The following NMBR variants were observed in gnomAD, a reference collection of about 807,000 sequenced individuals.
The protein encoded by NMBR is neuromedin B receptor, also known as neuromedin-B receptor.
Under a neutral mutation model 20.5 loss-of-function variants are expected in NMBR, and 16 were observed. The observed-to-expected ratio is 0.78, with a 90% confidence interval of 0.53 to 1.19. The LOEUF is 1.19. Ranked by LOEUF, NMBR falls within the 50% of genes most tolerant of loss-of-function variation. The pLI is 0.00. For missense variants in NMBR, 582 were observed against 499.1 expected, an observed-to-expected ratio of 1.17 and a Z score of -1.58; for synonymous variants, 212 against 196.6, an observed-to-expected ratio of 1.08 and a Z score of -0.65.
Position 142,128,534 on chromosome 6 carries a change from T to G in NMBR, c.-664+18510A>C, listed in dbSNP as rs190622352. ...ATATATGGCCTTTATTATGTTGAGG[T>G]AAGTTCCTTTTATGCCTAATTAGTT... On this transcript the variant is annotated intron_variant, in intron 1 of 3. Coordinates refer to ENST00000258042, the MANE Select transcript of NMBR (RefSeq NM_002511.4). 5.6e-4 allele frequency among the ~76,000 whole-genome samples: 85 copies of G among 152,224 alleles called. 1 individual carries two copies. In the East Asian group the frequency reaches 0.016, roughly 28 times the overall value.
chr6:142,122,114 C>A (rs1777953688), intron 1 of NMBR, among the ~76,000 whole-genome samples: 1 of 151,956 alleles, frequency 6.6e-6, no homozygotes, highest in South Asian at 2.1e-4. Flanking sequence ...TCTCCCACTG[C>A]TAGCTCTGGA....
chr6:142,088,904 A>T lies in NMBR; in HGVS notation c.-246T>A, dbSNP rs1164630510. On this transcript the variant is annotated 5_prime_UTR_variant, in exon 2 of 4. Transcript: ENST00000258042. ...TCCGGCTAACTCTGAATTTAAATTA[A>T]AAAAAAAAAAAAAGCAAAGCGGTTG... The T allele has an allele frequency of 1.1e-4, 7 of 64,524 alleles. No individual in the cohort carries two copies. Among genetic ancestry groups the T allele is most frequent in the Admixed American group, 4.1e-4 (1 of 2,412 alleles). The allele number at this position is 64,524 out of a possible 1,614,324, so 4.0% of individuals were successfully genotyped here. A position where few individuals can be genotyped will look rare whatever the true frequency, so the allele number is the denominator to read the frequency against.
intron 1 of NMBR, among the ~76,000 whole-genome samples, chr6:142,130,730 G>A (rs1042700183): frequency 2.0e-5 from 3 of 152,110 alleles, no homozygotes; most frequent in African/African-American, 7.2e-5. Context: ...AGCAGTCTGA[G>A]CAAGTTATTT....
intron 1 of NMBR, among the ~76,000 whole-genome samples, chr6:142,140,998 C>T (rs926068051): frequency 3.3e-5 from 5 of 152,144 alleles, no homozygotes; most frequent in African/African-American, 9.7e-5. Context: ...TTCAACACTT[C>T]TCTCTCAGTA....
At chr6:142,094,756 C>T (rs1460316323) in intron 1 of NMBR, among the ~76,000 whole-genome samples, 2 of 152,012 alleles carry the variant, frequency 1.3e-5, no homozygotes, top group African/African-American at 2.4e-5. Context: ...ATGTCCATTT[C>T]CACGATATTG....
At chr6:142,087,106 A>C (rs1377417972) in intron 2 of NMBR, among the ~76,000 whole-genome samples, 2 of 152,200 alleles carry the variant, frequency 1.3e-5, no homozygotes, top group East Asian at 1.9e-4. Flanking sequence ...GTTTTTAAGA[A>C]AGTGAATCAT....
At chr6:142,101,401 T>C (rs908200324) in intron 1 of NMBR, among the ~76,000 whole-genome samples, 4 of 152,182 alleles carry the variant, frequency 2.6e-5, no homozygotes, top group African/African-American at 9.7e-5. Flanking sequence ...AATTTTATCA[T>C]TGATGTCACT....
intron 1 of NMBR, among the ~76,000 whole-genome samples, chr6:142,135,881 A>T (rs1332330954): frequency 6.6e-6 from 1 of 151,440 alleles, no homozygotes; most frequent in Admixed American, 6.6e-5. Flanking sequence ...ACATTTTCTT[A>T]ATCCAGTCTA....
intron 1 of NMBR, among the ~76,000 whole-genome samples, chr6:142,093,221 A>G (rs1222387515): frequency 1.3e-5 from 2 of 151,802 alleles, no homozygotes; most frequent in Non-Finnish European, 2.9e-5. Context: ...TTACAAATGT[A>G]TACATGTGCC....
intron 1 of NMBR, among the ~76,000 whole-genome samples, chr6:142,114,970 A>T (rs1228392146): frequency 6.6e-6 from 1 of 152,144 alleles, no homozygotes; most frequent in Non-Finnish European, 1.5e-5. Context: ...GAGAACTGAA[A>T]CTTAGCAGAT....
intron 1 of NMBR, among the ~76,000 whole-genome samples, chr6:142,142,786 A>C (rs1028277282): frequency 6.6e-6 from 1 of 152,180 alleles, no homozygotes; most frequent in African/African-American, 2.4e-5. Flanking sequence ...AGAACGTTCC[A>C]AAAAATTAAA....
rs1245423008 is a variant in NMBR, at chr6:142,093,724, C to T, written c.-663-4403G>A. ...CTAGTTCTAGATCCCTGAGGAATTGCCACACTGACTTCCATAATGGTTGAA... is the reference window on the plus strand; with the variant it reads ...CTAGTTCTAGATCCCTGAGGAATTGTCACACTGACTTCCATAATGGTTGAA... On this transcript the variant is annotated intron_variant, in intron 1 of 3. Coordinates refer to ENST00000258042, the MANE Select transcript of NMBR (RefSeq NM_002511.4). Among the ~76,000 whole-genome samples the T allele has an allele frequency of 2.0e-5, 3 of 152,260 alleles. No individual in the cohort carries two copies. In the East Asian group the frequency reaches 5.8e-4, roughly 29 times the overall value.
chr6:142,097,851 GA>G (rs1263156883), intron 1 of NMBR, among the ~76,000 whole-genome samples: 1 of 151,728 alleles, frequency 6.6e-6, no homozygotes, highest in Non-Finnish European at 1.5e-5. Flanking sequence ...GGAGAGACAT[GA>G]AAAACATAAA....
chr6:142,133,500 TTAC>T (rs1214249665), intron 1 of NMBR, among the ~76,000 whole-genome samples: 2 of 152,216 alleles, frequency 1.3e-5, no homozygotes, highest in Admixed American at 6.5e-5. Flanking sequence ...CGGACTGAGC[TTAC>T]TACTGGATTT....
At chr6:142,125,521 T>TACATGTGTATGCATATACACATA (rs1554215499) in intron 1 of NMBR, among the ~76,000 whole-genome samples, 2 of 70,580 alleles carry the variant, frequency 2.8e-5, no homozygotes, top group African/African-American at 4.7e-5. Context: ...ACATACACAA[T>TACATGTGTATGCATATACACATA]TACTCATGCT....
intron 1 of NMBR, among the ~76,000 whole-genome samples, chr6:142,135,553 G>C (rs372175910): frequency 2.0e-5 from 3 of 150,758 alleles, no homozygotes; most frequent in East Asian, 1.9e-4. Context: ...GTGCAGGTTA[G>C]TTACATATGT....
At chr6:142,132,243 C>A (rs1056541904) in intron 1 of NMBR, among the ~76,000 whole-genome samples, 3 of 152,094 alleles carry the variant, frequency 2.0e-5, no homozygotes, top group African/African-American at 7.2e-5. Context: ...GTGAAGAAAG[C>A]AAATATAATC....
intron 1 of NMBR, chr6:142,133,836 T>C: frequency 1.6e-6 from 1 of 644,948 alleles, no homozygotes; most frequent in Non-Finnish European, 2.9e-6. Context: ...TTTTTTCTCC[T>C]AAAACCATAA....
At chr6:142,095,379 T>C (rs1381181740) in intron 1 of NMBR, among the ~76,000 whole-genome samples, 2 of 152,230 alleles carry the variant, frequency 1.3e-5, no homozygotes, top group African/African-American at 4.8e-5. Context: ...TTGAATTTTG[T>C]CCAAGGCCTT....
Sources: allele counts gnomAD v4.1 joint callset (sites outside exome capture counted in the v4.1 genomes callset), GRCh38; gene constraint gnomAD v4.1.1; transcripts MANE v1.5; gene names NCBI Gene and HGNC (gene_info 2026-07-23, HGNC 2026-07-21).